KCNC4: variants seen among roughly 807,000 people sequenced by gnomAD.
The protein encoded by KCNC4 is voltage-gated potassium channel KCNC4.
Under a neutral mutation model 42.8 loss-of-function variants are expected in KCNC4, and 23 were observed. That is an observed-to-expected ratio of 0.54 (90% CI 0.39 to 0.76). The LOEUF (loss-of-function observed/expected upper bound fraction) is 0.76, where lower values mean the gene tolerates loss of function less well. Among genes scored for constraint, KCNC4 ranks in the 30% least tolerant of loss-of-function variants. The pLI, the probability that KCNC4 is intolerant of heterozygous loss-of-function variation, is 0.00. For synonymous variants in KCNC4, 422 were observed against 393.5 expected (o/e 1.07, Z -0.86); for missense variants, 751 against 898.2 (o/e 0.84, Z 2.10).
intron 1 of KCNC4, among the ~76,000 whole-genome samples, chr1:110,213,170 T>TTAAA (rs1657589260): frequency 3.9e-5 from 2 of 50,850 alleles, no homozygotes; most frequent in African/African-American, 1.8e-4. Context: ...CTTCGACAGC[T>TTAAA]AAAAAAAAAA....
intron 1 of KCNC4, among the ~76,000 whole-genome samples, chr1:110,215,335 G>T (rs538039950): frequency 6.6e-6 from 1 of 152,168 alleles, no homozygotes. Context: ...GAACAGGTAC[G>T]AGGGGCAGGG....
At position 110,211,416 on chromosome 1, in the gene KCNC4, C is replaced by T. The variant is rs1360902806; in HGVS notation, c.-84C>T. On this transcript the variant is annotated 5_prime_UTR_variant, in exon 1 of 4. Coordinates refer to ENST00000438661, the MANE Select transcript of KCNC4 (RefSeq NM_001039574.3). The surrounding 1 kb of genome is among the most constrained non-coding windows in gnomAD (Gnocchi z 6.5). ...CTCCTGCCTCCTCTTCGTCTCCTCC[C>T]CCTCCCCCGTCTGACGCTGCCTCCT... The T allele has an allele frequency of 4.7e-6, 7 of 1,492,148 alleles. 1 individual carries two copies. The highest frequency in any genetic ancestry group is 2.2e-5 in the Admixed American group (1 of 45,844). 92.4% of individuals were successfully genotyped at this position (1,492,148 alleles called of 1,614,324 possible). A position where few individuals can be genotyped will look rare whatever the true frequency, so the allele number is the denominator to read the frequency against.
In KCNC4 at chr1:110,212,102, G is replaced by T; in HGVS notation, c.603G>T (p.Gly201=). The T allele has an allele frequency of 6.6e-7, 1 of 1,508,098 alleles. No homozygotes were observed. The highest frequency in any genetic ancestry group is 8.8e-7 in the Non-Finnish European group (1 of 1,142,312). The allele number at this position is 1,508,098 out of a possible 1,614,324, so 93.4% of individuals were successfully genotyped here. The change falls in exon 1 of 4, where the codon GGG becomes GGT. Residue 201 remains glycine (G), a synonymous_variant. Coordinates refer to ENST00000438661, the MANE Select transcript of KCNC4 (RefSeq NM_001039574.3). ...PHEGGAGHGA[G]SGGCRGWQPR... ...AGGGAGGCGCGGGCCATGGCGCCGG[G>T]TCTGGGGGCTGCCGCGGCTGGCAGC... is the stretch of plus-strand genomic sequence containing the variant.
At chr1:110,265,648 T>C (rs970143972) in intron 1 of KCNC4, among the ~76,000 whole-genome samples, 4 of 152,116 alleles carry the variant, frequency 2.6e-5, no homozygotes, top group African/African-American at 9.7e-5. Context: ...GGCCCAATAG[T>C]CATCATCTTC....
At chr1:110,216,340 T>C (rs1433487503) in intron 1 of KCNC4, among the ~76,000 whole-genome samples, 1 of 152,134 alleles carries the variant, frequency 6.6e-6, no homozygotes, top group Non-Finnish European at 1.5e-5. Flanking sequence ...AGGAGGGCAG[T>C]GCCAAGCCTG....
chr1:110,232,258 A>G (rs1469059825), intron 3 of KCNC4: 3 of 1,613,762 alleles, frequency 1.9e-6, no homozygotes, highest in Non-Finnish European at 2.5e-6. Context: ...TTCAGCATTC[A>G]CCTGAGGCTG....
intron 1 of KCNC4, among the ~76,000 whole-genome samples, chr1:110,280,731 T>C (rs1297647743): frequency 2.6e-5 from 4 of 152,170 alleles, no homozygotes; most frequent in Non-Finnish European, 5.9e-5. Flanking sequence ...TTGGGACAAA[T>C]ACTAAAAAAT....
chr1:110,222,992 T>A lies in KCNC4; in HGVS notation c.707T>A (p.Ile236Asn). 6.2e-7 allele frequency: 1 copy of A among 1,614,052 alleles called. No homozygotes were observed. The highest frequency in any genetic ancestry group is 8.5e-7 in the Non-Finnish European group (1 of 1,179,926). ...RVVAFASLFF[I>N]LVSITTFCLE... ...GTGGCCTTTGCCTCTCTCTTCTTCA[T>A]CCTGGTCTCCATCACCACTTTCTGC... The change falls in exon 2 of 4, where the codon ATC (isoleucine) becomes AAC (asparagine). Residue 236 changes from isoleucine (I) to asparagine (N), a missense_variant. By Grantham distance (149) the Ile-to-Asn change is moderately radical. Transcript: ENST00000438661.
At chr1:110,221,054 A>G (rs1658066567) in intron 1 of KCNC4, 1 of 152,220 alleles carries the variant, frequency 6.6e-6, no homozygotes, top group Non-Finnish European at 1.5e-5. Flanking sequence ...AATGAGGTAC[A>G]GTGAGGTGTG....
rs200055497 is a variant in KCNC4 at position 110,223,706 on chromosome 1, A to G, written c.1421A>G (p.Asn474Ser). 3.1e-6 allele frequency: 5 copies of G among 1,613,918 alleles called. No homozygotes were observed. Among genetic ancestry groups the G allele is most frequent in the Non-Finnish European group, 3.4e-6 (4 of 1,180,028 alleles). Residue 474 changes from asparagine (N) to serine (S), a missense_variant, in exon 2 of 4, where the codon AAC (asparagine) becomes AGC (serine). Physicochemically the swap from Asn to Ser is conservative, Grantham distance 46. This residue lies in a region of KCNC4 where 185 missense variants were observed against 293.7 expected (regional missense o/e 0.63). Transcript: ENST00000438661. This position sits in a 1 kb window ranked among gnomAD's most constrained non-coding sequence, Gnocchi z 7.5. ...ATGCCGGTGCCTGTCATCGTCAACA[A>G]CTTCGGCATGTACTACTCCCTGGCC... ...IAMPVPVIVNNFGMYYSLAMA... is the reference protein window; with the variant it reads ...IAMPVPVIVNSFGMYYSLAMA...
intron 1 of KCNC4, among the ~76,000 whole-genome samples, chr1:110,265,561 C>A (rs1659527684): frequency 6.6e-6 from 1 of 152,172 alleles, no homozygotes; most frequent in Non-Finnish European, 1.5e-5. Context: ...ACTCTGCACT[C>A]CTCTGGGCTG....
At chr1:110,278,102 G>A (rs564170012) in intron 1 of KCNC4, among the ~76,000 whole-genome samples, 25 of 140,684 alleles carry the variant, frequency 1.8e-4, no homozygotes, top group Non-Finnish European at 3.5e-4. Context: ...AGCTATGATC[G>A]CATCACTACC....
At chr1:110,217,281 G>A (rs957156636) in intron 1 of KCNC4, among the ~76,000 whole-genome samples, 2 of 152,222 alleles carry the variant, frequency 1.3e-5, no homozygotes, top group East Asian at 1.9e-4. Flanking sequence ...GGGATGAGGT[G>A]TAGGAGGTGT....
chr1:110,282,810 T>G (rs1395554031), intron 2 of KCNC4, among the ~76,000 whole-genome samples: 1 of 152,228 alleles, frequency 6.6e-6, no homozygotes. Flanking sequence ...TTACAGTCAC[T>G]AAATCCCTAA....
chr1:110,211,515 T>C lies in KCNC4; in HGVS notation c.16T>C (p.Cys6Arg). Reference protein sequence around the residue: MISSVCVSSYRGRKSG... With the variant: MISSVRVSSYRGRKSG... ...AGCGCTTCTTATGATCAGCTCGGTG[T>C]GTGTCTCCTCCTACCGCGGGCGCAA... is the stretch of plus-strand genomic sequence containing the variant. Residue 6 changes from cysteine to arginine, a missense_variant, in exon 1 of 4, where the codon TGT becomes CGT. Around this residue, in one of 4 missense-constraint regions of KCNC4, gnomAD observed 183 missense variants for 255.8 expected, o/e 0.72. Coordinates refer to ENST00000438661, the MANE Select transcript of KCNC4 (RefSeq NM_001039574.3). This position sits in a 1 kb window ranked among gnomAD's most constrained non-coding sequence, Gnocchi z 6.5. 1 of 1,613,798 alleles carries C rather than the reference T, an allele frequency of 6.2e-7. No homozygotes were observed. Among genetic ancestry groups the C allele is most frequent in the Non-Finnish European group, 8.5e-7 (1 of 1,179,908 alleles).
chr1:110,211,812 T>G lies in KCNC4; in HGVS notation c.313T>G (p.Tyr105Asp). ...CGACAGGCACCCGGGCGTCTTCGCC[T>G]ACGTGCTCAACTACTACCGCACCGG... ...FFDRHPGVFA[Y>D]VLNYYRTGKL... The change falls in exon 1 of 4, where the codon TAC (tyrosine) becomes GAC (aspartate). Residue 105 changes from tyrosine (Y) to aspartate (D), a missense_variant. Physicochemically the swap from Tyr to Asp is radical, Grantham distance 160. Coordinates refer to ENST00000438661, the MANE Select transcript of KCNC4 (RefSeq NM_001039574.3). This position sits in a 1 kb window ranked among gnomAD's most constrained non-coding sequence, Gnocchi z 6.5. The G allele has an allele frequency of 6.2e-7, 1 of 1,611,528 alleles. No homozygotes were observed. The highest frequency in any genetic ancestry group is 8.5e-7 in the Non-Finnish European group (1 of 1,179,790).
At position 110,257,778 on chromosome 1, in the gene KCNC4, C is replaced by T. The variant is rs575685959; in HGVS notation, n.31-24756C>T. On this transcript the variant is annotated intron_variant and non_coding_transcript_variant, in intron 1 of 2. Coordinates refer to the KCNC4 transcript ENST00000412512. Reference sequence around the variant, plus strand: ...AGGTGTTCCAGGGCTGGTATGGCAGCTCTAACCAAGTCATCAGGGATGCAG... The same window carrying T: ...AGGTGTTCCAGGGCTGGTATGGCAGTTCTAACCAAGTCATCAGGGATGCAG... Among the ~76,000 whole-genome samples the T allele has an allele frequency of 1.1e-3, 170 of 149,686 alleles. 1 individual carries two copies. Among genetic ancestry groups the T allele is most frequent in the African/African-American group, 4.1e-3 (168 of 40,644 alleles).
At chr1:110,220,965 A>C (rs1427259616) in intron 1 of KCNC4, 1 of 152,226 alleles carries the variant, frequency 6.6e-6, no homozygotes, top group Non-Finnish European at 1.5e-5. Flanking sequence ...TTACACATGC[A>C]TTTCATCTCC....
At chr1:110,256,073 G>A (rs996641956) in intron 1 of KCNC4, among the ~76,000 whole-genome samples, 1 of 152,158 alleles carries the variant, frequency 6.6e-6, no homozygotes, top group African/African-American at 2.4e-5. Context: ...GCAGCCATTA[G>A]AATTACAGTA....
Sources: gnomAD v4.1 joint callset for allele counts (sites outside exome capture counted in the v4.1 genomes callset) on GRCh38, gnomAD v4.1.1 for gene constraint, gnomAD v4.1.1 regional missense constraint, Gnocchi (gnomAD v3.1) non-coding constraint, MANE v1.5 for transcripts, NCBI Gene and HGNC (gene_info 2026-07-23, HGNC 2026-07-21) for gene names.